Variants in KDM4F observed in about 807,000 individuals in gnomAD.
The protein encoded by KDM4F is lysine demethylase 4F.
For synonymous variants in KDM4F, 223 were observed against 184.4 expected (o/e 1.21, Z -1.70); for missense variants, 586 against 496.4 (o/e 1.18, Z -1.71).
chr11:95,050,898 G>C, exon 1 of KDM4F: 1 of 497,702 alleles, frequency 2.0e-6, no homozygotes, highest in Admixed American at 3.4e-5. Flanking sequence ...ACCTTTGAGC[G>C]GTGGCCTTCC....
chr11:95,050,572 G>A (rs1007009406), exon 1 of KDM4F: 53 of 676,470 alleles, frequency 7.8e-5, no homozygotes, highest in Admixed American at 3.2e-4. Flanking sequence ...TGTCCCACAC[G>A]GACTGTGGCC....
exon 1 of KDM4F, chr11:95,049,439 C>T (rs1371877447): frequency 7.0e-7 from 1 of 1,423,506 alleles, no homozygotes; most frequent in African/African-American, 1.4e-5. Flanking sequence ...CTGTGCACTC[C>T]AGTCCCCAGA....
chr11:95,051,147 G>A (rs1338085178), exon 1 of KDM4F: 11 of 399,994 alleles, frequency 2.8e-5, no homozygotes, highest in East Asian at 3.6e-5. Flanking sequence ...CAAGGTTGTA[G>A]CAATGGACCA....
chr11:95,049,920 G>T, exon 1 of KDM4F: 5 of 1,613,476 alleles, frequency 3.1e-6, no homozygotes, highest in Non-Finnish European at 4.2e-6. Flanking sequence ...GGAATGTGGG[G>T]TTGTCATCGA....
At chr11:95,050,647 C>G in exon 1 of KDM4F, 1 of 621,114 alleles carries the variant, frequency 1.6e-6, no homozygotes, top group Non-Finnish European at 2.9e-6. Context: ...GCAATCCAAG[C>G]CCTGGAGACG....
chr11:95,049,922 T>C, exon 1 of KDM4F: 2 of 1,613,692 alleles, frequency 1.2e-6, no homozygotes, highest in Non-Finnish European at 1.7e-6. Flanking sequence ...AATGTGGGGT[T>C]GTCATCGAGG....
In KDM4F at chr11:95,049,546, G is replaced by T. The variant is rs528877179; in HGVS notation, c.125G>T (p.Arg42Leu). Residue 42 changes from arginine to leucine, a missense_variant, in exon 1 of 1, where the codon CGA (arginine) becomes CTA (leucine). Arg to Leu is a moderately radical substitution (Grantham distance 102). Transcript: ENST00000545950. ...TACATGGAGTCCCAAGGCGCACACC[G>T]AGCTGGCCTCGCCAAGGTAATTCCA... The T allele has an allele frequency of 2.3e-5, 36 of 1,595,668 alleles. No homozygotes were observed. The South Asian group carries it at 3.5e-4, about 16-fold the overall frequency.
At chr11:95,050,376 G>A (rs1555105397) in exon 1 of KDM4F, 2 of 992,988 alleles carry the variant, frequency 2.0e-6, no homozygotes, top group Middle Eastern at 4.1e-4. Context: ...CTTTTCCATG[G>A]ATGCCTTCGT....
chr11:95,051,017 C>T (rs552130196), exon 1 of KDM4F: 24 of 438,254 alleles, frequency 5.5e-5, no homozygotes, highest in Admixed American at 1.6e-4. Flanking sequence ...TGCTATCCCT[C>T]GACAGCACTG....
At chr11:95,050,499 G>A (rs2134139866) in exon 1 of KDM4F, 1 of 719,162 alleles carries the variant, frequency 1.4e-6, no homozygotes. Context: ...CAACTGGAGG[G>A]AGGACATAGC....
chr11:95,050,693 G>T, exon 1 of KDM4F: 1 of 626,752 alleles, frequency 1.6e-6, no homozygotes, highest in Non-Finnish European at 2.8e-6. Context: ...CTGGAAGGTG[G>T]GGTCCTTGTC....
rs145378335 is a variant in KDM4F, at chr11:95,049,462, C to T, written c.41C>T (p.Thr14Ile). 2,684 of 1,516,186 alleles carry T rather than the reference C, an allele frequency of 1.8e-3. 41 individuals carry two copies. The African/African-American group carries it at 0.033, about 19-fold the overall frequency. The allele number at this position is 1,516,186 out of a possible 1,614,324, so 93.9% of individuals were successfully genotyped here. A position where few individuals can be genotyped will look rare whatever the true frequency, so the allele number is the denominator to read the frequency against. Residue 14 changes from threonine (T) to isoleucine (I), a missense_variant, in exon 1 of 1, where the codon ACC becomes ATC. Coordinates refer to ENST00000545950, the Ensembl canonical transcript of KDM4F. ...TCCAGTCCCCAGAACACGAGTCATA[C>T]CATCATGACGTTTTACCCAACCATG...
At chr11:95,049,617 A>T in exon 1 of KDM4F, 4 of 1,599,826 alleles carry the variant, frequency 2.5e-6, no homozygotes, top group Non-Finnish European at 3.4e-6. Flanking sequence ...TATTGAAGAC[A>T]TCTTAATAGC....
rs2134139428 is a variant in KDM4F at position 95,049,626 on chromosome 11, G to A, written c.205G>A (p.Ala69Thr). Residue 69 changes from alanine (A) to threonine (T), a missense_variant, in exon 1 of 1, where the codon GCC becomes ACC. Ala to Thr is a moderately conservative substitution (Grantham distance 58). Coordinates refer to ENST00000545950, the Ensembl canonical transcript of KDM4F. ...TGATGATATTGAAGACATCTTAATAGCCACTCCCCTCCAGCAGGTGACCTC... is the reference window on the plus strand; with the variant it reads ...TGATGATATTGAAGACATCTTAATAACCACTCCCCTCCAGCAGGTGACCTC... The A allele has an allele frequency of 2.5e-6, 4 of 1,599,344 alleles. No homozygotes were observed. In the East Asian group the frequency reaches 9.0e-5, roughly 36 times the overall value.
At chr11:95,050,935 G>T (rs61731246) in exon 1 of KDM4F, 2 of 485,304 alleles carry the variant, frequency 4.1e-6, no homozygotes, top group Non-Finnish European at 7.2e-6. Context: ...TCTGGCTGCT[G>T]TTGTGCCCCT....
exon 1 of KDM4F, chr11:95,049,528 A>C: frequency 2.5e-6 from 4 of 1,592,736 alleles, no homozygotes; most frequent in South Asian, 2.2e-5. Context: ...GCTTACATGG[A>C]GTCCCAAGGC....
chr11:95,050,713 G>A, exon 1 of KDM4F: 1 of 633,206 alleles, frequency 1.6e-6, no homozygotes, highest in Non-Finnish European at 2.8e-6. Context: ...CGTGGCTGTG[G>A]TCGTGGTCGA....
chr11:95,049,945 C>G, exon 1 of KDM4F: 1 of 1,614,098 alleles, frequency 6.2e-7, no homozygotes, highest in South Asian at 1.1e-5. Context: ...GTCAACACAC[C>G]CTACCTGTAC....
exon 1 of KDM4F, chr11:95,050,813 G>A: frequency 1.7e-6 from 1 of 600,618 alleles, no homozygotes; most frequent in Non-Finnish European, 3.0e-6. Context: ...GCCTCTCAGT[G>A]GGGACAGGGA....
Sources: gnomAD v4.1 joint callset for allele counts on GRCh38, gnomAD v4.1.1 for gene constraint, MANE v1.5 for transcripts, NCBI Gene and HGNC (gene_info 2026-07-23, HGNC 2026-07-21) for gene names.